AVEN: variants seen among roughly 807,000 people sequenced by gnomAD.
AVEN encodes the protein cell death regulator Aven.
In AVEN, 41 loss-of-function variants were observed where a neutral mutation model predicts 38.1. The ratio of observed to expected loss-of-function variants is 1.08; its 90% CI spans 0.84 to 1.40. AVEN has a LOEUF of 1.40. Among genes scored for constraint, AVEN ranks in the 40% most tolerant of loss-of-function variants. The pLI, the probability that AVEN is intolerant of heterozygous loss-of-function variation, is 0.00. For missense variants in AVEN, 605 were observed against 438.8 expected, an observed-to-expected ratio of 1.38 and a Z score of -3.38; for synonymous variants, 206 against 171.8, an observed-to-expected ratio of 1.20 and a Z score of -1.56.
At chr15:33,866,180 C>CATGAGACGA (rs1008311890), downstream of AVEN, 5 of 172,158 alleles carry the variant, frequency 2.9e-5, no homozygotes, top group Admixed American at 2.8e-4. Flanking sequence ...GGAAAGGGGA[C>CATGAGACGA]ATGAGACGAA....
At chr15:34,033,276 C>T (rs751878783) in intron 1 of AVEN, among the ~76,000 whole-genome samples, 1 of 152,092 alleles carries the variant, frequency 6.6e-6, no homozygotes, top group Non-Finnish European at 1.5e-5. Flanking sequence ...GAGGCAGAAG[C>T]GGGCGGACTG....
rs548697683 is a variant in AVEN at position 33,909,856 on chromosome 15, C to T, written c.446-33861G>A. 3.9e-5 allele frequency among the ~76,000 whole-genome samples: 6 copies of T among 151,968 alleles called. No individual in the cohort carries two copies. The South Asian group carries it at 6.2e-4, about 16-fold the overall frequency. On this transcript the variant is annotated intron_variant, in intron 2 of 5. Transcript: ENST00000306730. The stretch of plus-strand genomic sequence containing the variant: ...ATTAAAAACATTTGCTGGCCGGGCA[C>T]GGTGGCTCATGTCTGTAATCCCAAC...
At chr15:33,861,327 G>C (rs114098112), downstream of AVEN, 23 of 574,824 alleles carry the variant, frequency 4.0e-5, no homozygotes, top group Middle Eastern at 3.0e-4. Flanking sequence ...CATAGACTCT[G>C]TCTCTCCCAT....
At chr15:33,881,545 A>C (rs1373219854) in intron 2 of AVEN, among the ~76,000 whole-genome samples, 1 of 152,244 alleles carries the variant, frequency 6.6e-6, no homozygotes, top group Non-Finnish European at 1.5e-5. Context: ...TGACTACTAT[A>C]GAATACCAAC....
intron 2 of AVEN, among the ~76,000 whole-genome samples, chr15:33,997,789 A>C (rs2140601639): frequency 6.6e-6 from 1 of 152,194 alleles, no homozygotes; most frequent in Non-Finnish European, 1.5e-5. Flanking sequence ...GCTCTGCTAA[A>C]CTGTAATCAT....
At chr15:34,025,797 G>A (rs1898440514) in intron 1 of AVEN, among the ~76,000 whole-genome samples, 1 of 144,526 alleles carries the variant, frequency 6.9e-6, no homozygotes, top group Non-Finnish European at 1.6e-5. Context: ...CATGTGTAAA[G>A]CGGAGGAAGG....
chr15:33,985,413 ATGCCCTCAGCTCAGTG>A, intron 2 of AVEN, among the ~76,000 whole-genome samples: 1 of 74,586 alleles, frequency 1.3e-5, no homozygotes, highest in African/African-American at 5.8e-5. Flanking sequence ...AGCTGAGTGC[ATGCCCTCAGCTCAGTG>A]TTCCTTTTTC....
chr15:34,000,404 G>A (rs1039838491), intron 2 of AVEN, among the ~76,000 whole-genome samples: 1 of 152,036 alleles, frequency 6.6e-6, no homozygotes, highest in Admixed American at 6.6e-5. Flanking sequence ...TCAATCAACT[G>A]GTCACAATTT....
intron 2 of AVEN, among the ~76,000 whole-genome samples, chr15:33,992,439 G>A (rs956365777): frequency 2.6e-5 from 4 of 152,056 alleles, no homozygotes; most frequent in African/African-American, 7.2e-5. Flanking sequence ...TCAATATTCA[G>A]CTACAAGGAA....
intron 2 of AVEN, among the ~76,000 whole-genome samples, chr15:33,948,136 C>T (rs575220310): frequency 7.0e-6 from 1 of 143,088 alleles, no homozygotes; most frequent in African/African-American, 2.6e-5. Context: ...CTCGCTCTGT[C>T]TCCCAGGCTG....
At position 33,928,630 on chromosome 15, in the gene AVEN, G is replaced by A. The variant is rs114164601; in HGVS notation, c.446-52635C>T. Among the ~76,000 whole-genome samples, 1,520 of 152,236 alleles carry A rather than the reference G, an allele frequency of 1.0e-2. 28 individuals are homozygous for A. Among genetic ancestry groups the A allele is most frequent in the African/African-American group, 0.035 (1,436 of 41,522 alleles). On this transcript the variant is annotated intron_variant, in intron 2 of 5. Transcript: ENST00000306730. ...TAGAGCTCTATGCATCCAAGGGTGG[G>A]CAAGGATGTATGGAGTAAGCCATCC...
chr15:33,879,057 A>C (rs908196745), intron 2 of AVEN, among the ~76,000 whole-genome samples: 5 of 152,178 alleles, frequency 3.3e-5, no homozygotes, highest in African/African-American at 1.2e-4. Context: ...TCACTTAAAA[A>C]TATGGGTAAA....
chr15:34,061,656 T>C (rs777923743), intron 5 of AVEN, among the ~76,000 whole-genome samples: 18 of 152,220 alleles, frequency 1.2e-4, no homozygotes, highest in Non-Finnish European at 1.2e-4. Flanking sequence ...TTTGAGCTTT[T>C]ATAAGGAATG....
chr15:33,901,199 G>A (rs111473103), intron 2 of AVEN, among the ~76,000 whole-genome samples: 16,239 of 152,120 alleles, frequency 0.11, 1,296 homozygotes, highest in African/African-American at 0.21. Flanking sequence ...CCCGGGAGGC[G>A]GAGCTTGCAG....
At chr15:34,032,448 T>A (rs1360295368) in intron 1 of AVEN, among the ~76,000 whole-genome samples, 2 of 152,144 alleles carry the variant, frequency 1.3e-5, no homozygotes, top group African/African-American at 4.8e-5. Flanking sequence ...TAGCAGCAGT[T>A]TAAAACAAAG....
intron 2 of AVEN, among the ~76,000 whole-genome samples, chr15:33,959,346 A>G (rs180926945): frequency 1.2e-4 from 19 of 152,230 alleles, no homozygotes; most frequent in Non-Finnish European, 2.2e-4. Context: ...TAATCTCTTC[A>G]TATCACTTCC....
At chr15:33,987,506 T>G (rs1416579649) in intron 2 of AVEN, among the ~76,000 whole-genome samples, 1 of 152,022 alleles carries the variant, frequency 6.6e-6, no homozygotes, top group East Asian at 1.9e-4. Context: ...TACGCTCCAC[T>G]CTCCTCCCCA....
chr15:34,029,543 T>C (rs1015070380), intron 1 of AVEN, among the ~76,000 whole-genome samples: 2 of 132,832 alleles, frequency 1.5e-5, no homozygotes, highest in South Asian at 2.4e-4. Context: ...AAAAAAAAAT[T>C]GAAAAGGAAA....
chr15:33,943,187 T>C (rs1005295243), intron 2 of AVEN, among the ~76,000 whole-genome samples: 1 of 152,178 alleles, frequency 6.6e-6, no homozygotes, highest in African/African-American at 2.4e-5. Context: ...CAATTCACAA[T>C]AGCCAAGAGG....
Sources: allele counts gnomAD v4.1 joint callset (sites outside exome capture counted in the v4.1 genomes callset), GRCh38; gene constraint gnomAD v4.1.1; transcripts MANE v1.5; gene names NCBI Gene and HGNC (gene_info 2026-07-23, HGNC 2026-07-21).